FKBP5: variants seen among roughly 807,000 people sequenced by gnomAD.
FKBP5 encodes peptidyl-prolyl cis-trans isomerase FKBP5.
A neutral mutation model predicts 50.5 loss-of-function variants in FKBP5; 23 were observed. The ratio of observed to expected loss-of-function variants is 0.46; its 90% CI spans 0.33 to 0.65. The LOEUF (loss-of-function observed/expected upper bound fraction) is 0.65, where lower values mean the gene tolerates loss of function less well. Among genes scored for constraint, FKBP5 ranks in the 30% least tolerant of loss-of-function variants. The pLI is 0.02. For synonymous variants in FKBP5, 176 were observed against 190.6 expected, an observed-to-expected ratio of 0.92 and a Z score of 0.63; for missense variants, 411 against 553.1, an observed-to-expected ratio of 0.74 and a Z score of 2.58.
chr6:35,666,993 A>C (rs1765249985), intron 1 of FKBP5, among the ~76,000 whole-genome samples: 1 of 149,052 alleles, frequency 6.7e-6, no homozygotes, highest in Non-Finnish European at 1.5e-5. Context: ...AGAAACAATA[A>C]ATTTTCACTT....
intron 3 of FKBP5, among the ~76,000 whole-genome samples, chr6:35,631,919 C>CA (rs966284228): frequency 4.8e-5 from 7 of 144,702 alleles, no homozygotes; most frequent in Non-Finnish European, 7.4e-5. Context: ...CACGCCACTG[C>CA]ACTCCAGCCT....
At chr6:35,707,913 A>C (rs1275550562) in intron 2 of FKBP5, among the ~76,000 whole-genome samples, 1 of 152,214 alleles carries the variant, frequency 6.6e-6, no homozygotes, top group Non-Finnish European at 1.5e-5. Context: ...GTGATAAGAA[A>C]AATGTAAACA....
At chr6:35,692,050 T>C (rs1765997876), upstream of FKBP5, among the ~76,000 whole-genome samples, 1 of 152,232 alleles carries the variant, frequency 6.6e-6, no homozygotes, top group African/African-American at 2.4e-5. Context: ...ACCCTGGGCA[T>C]GCTTGTGGAA....
At chr6:35,622,008 G>C (rs1009382198) in intron 3 of FKBP5, among the ~76,000 whole-genome samples, 1 of 151,966 alleles carries the variant, frequency 6.6e-6, no homozygotes. Flanking sequence ...AAAAATGTAA[G>C]TATTCAAAAG....
rs61139697 is a variant in FKBP5 at position 35,606,659 on chromosome 6, C to CAA, written c.509-9257_509-9256dup. Among the ~76,000 whole-genome samples the CAA allele has an allele frequency of 6.4e-4, 16 of 25,132 alleles. 1 individual carries two copies. Among genetic ancestry groups the CAA allele is most frequent in the Admixed American group, 1.7e-3 (3 of 1,746 alleles). The allele number at this position is 25,132 out of a possible 152,430, so 16.5% of individuals were successfully genotyped here. On this transcript the variant is annotated intron_variant, in intron 5 of 10. Transcript: ENST00000357266. Reference sequence around the variant, plus strand: ...TGGGCAACAGAATGAGACTCCGTCTCAAAAAAAAAAAAAAAAAAAAAAAAA... The same window carrying CAA: ...TGGGCAACAGAATGAGACTCCGTCTCAAAAAAAAAAAAAAAAAAAAAAAAAAA...
At chr6:35,707,383 AT>A (rs1055862426) in intron 2 of FKBP5, among the ~76,000 whole-genome samples, 147 of 143,188 alleles carry the variant, frequency 1.0e-3, no homozygotes, top group Admixed American at 1.4e-3. Context: ...CGGCCGGCTA[AT>A]TTTTTTTTTT....
intron 8 of FKBP5, 184 bp downstream of exon 8, chr6:35,586,847 CTTT>C: frequency 3.6e-6 from 4 of 1,110,914 alleles, no homozygotes; most frequent in Non-Finnish European, 1.2e-6. Context: ...GGAATCTGTA[CTTT>C]TTTTTTTTTC....
At chr6:35,607,370 CT>C (rs113805586) in intron 5 of FKBP5, among the ~76,000 whole-genome samples, 89 of 145,098 alleles carry the variant, frequency 6.1e-4, no homozygotes, top group African/African-American at 6.5e-4. Context: ...CATGCTTGGC[CT>C]TTTTTTTTTT....
At chr6:35,703,396 A>T (rs560979203) in intron 2 of FKBP5, among the ~76,000 whole-genome samples, 1 of 152,218 alleles carries the variant, frequency 6.6e-6, no homozygotes, top group East Asian at 1.9e-4. Context: ...CCAACAGAAC[A>T]TGACTCCATC....
intron 2 of FKBP5, among the ~76,000 whole-genome samples, chr6:35,698,399 A>G (rs1766120474): frequency 6.6e-6 from 1 of 152,002 alleles, no homozygotes; most frequent in Non-Finnish European, 1.5e-5. Context: ...CGTATTCCCA[A>G]CACTTTGGGA....
intron 3 of FKBP5, among the ~76,000 whole-genome samples, chr6:35,624,793 C>T (rs1247791546): frequency 1.3e-5 from 2 of 152,056 alleles, no homozygotes; most frequent in Non-Finnish European, 2.9e-5. Flanking sequence ...AACACTCTTA[C>T]TGAGATACTC....
intron 5 of FKBP5, among the ~76,000 whole-genome samples, chr6:35,600,177 C>T (rs1196110763): frequency 4.6e-5 from 7 of 152,136 alleles, no homozygotes; most frequent in African/African-American, 1.7e-4. Flanking sequence ...GTGCAATCTG[C>T]TGTTAAACAA....
intron 5 of FKBP5, among the ~76,000 whole-genome samples, chr6:35,603,852 C>A (rs139713577): frequency 1.3e-5 from 2 of 152,104 alleles, no homozygotes; most frequent in South Asian, 2.1e-4. Context: ...ACTACAGGCC[C>A]GCACCACCAT....
At chr6:35,705,362 G>T (rs549299890) in intron 2 of FKBP5, among the ~76,000 whole-genome samples, 1 of 147,448 alleles carries the variant, frequency 6.8e-6, no homozygotes, top group South Asian at 2.3e-4. Context: ...TGCCTCCCAG[G>T]TTCAAGCAAT....
At chr6:35,643,880 T>C (rs1214163539) in intron 1 of FKBP5, among the ~76,000 whole-genome samples, 1 of 152,176 alleles carries the variant, frequency 6.6e-6, no homozygotes, top group Non-Finnish European at 1.5e-5. Flanking sequence ...CCATGCTTTG[T>C]TCATATTTAG....
intron 5 of FKBP5, among the ~76,000 whole-genome samples, chr6:35,618,797 T>C (rs1763735204): frequency 6.6e-6 from 1 of 152,094 alleles, no homozygotes; most frequent in African/African-American, 2.4e-5. Flanking sequence ...CGGGTTCAAG[T>C]GATTCTCATG....
intron 5 of FKBP5, among the ~76,000 whole-genome samples, chr6:35,606,784 G>A (rs901403729): frequency 6.6e-6 from 1 of 150,798 alleles, no homozygotes; most frequent in African/African-American, 2.4e-5. Context: ...TTCAGCTCCT[G>A]TGGAAAGCAG....
intron 1 of FKBP5, among the ~76,000 whole-genome samples, chr6:35,674,717 G>A (rs1765481870): frequency 6.6e-6 from 1 of 152,250 alleles, no homozygotes; most frequent in Non-Finnish European, 1.5e-5. Flanking sequence ...ACTTGCTTAA[G>A]ATGACACAGT....
At chr6:35,615,522 G>A (rs935475532) in intron 5 of FKBP5, among the ~76,000 whole-genome samples, 1 of 151,994 alleles carries the variant, frequency 6.6e-6, no homozygotes, top group Non-Finnish European at 1.5e-5. Context: ...GGTCAAATCT[G>A]GGACAATGTG....
Sources: allele counts gnomAD v4.1 joint callset (sites outside exome capture counted in the v4.1 genomes callset), GRCh38; gene constraint gnomAD v4.1.1; transcripts MANE v1.5; gene names NCBI Gene and HGNC (gene_info 2026-07-23, HGNC 2026-07-21).